Variants in CIB1 observed in about 807,000 individuals in gnomAD.
CIB1 encodes the protein calcium and integrin-binding protein 1.
Under a neutral mutation model 25.0 loss-of-function variants are expected in CIB1, and 19 were observed. The observed-to-expected ratio is 0.76, with a 90% CI of 0.53 to 1.12. The LOEUF (loss-of-function observed/expected upper bound fraction) is 1.12. Among genes scored for constraint, CIB1 ranks in the 50% most tolerant of loss-of-function variants. The pLI is 0.00. For missense variants in CIB1, 236 were observed against 242.6 expected (o/e 0.97, Z 0.18); for synonymous variants, 104 against 98.5 (o/e 1.06, Z -0.33).
At chr15:90,262,547 AAG>A in the CIB1 span, 1 of 1,531,618 alleles carries the variant, frequency 6.5e-7, no homozygotes, top group Non-Finnish European at 8.7e-7. Context: ...CTCGGGCACT[AAG>A]AGGCAAAAGG....
chr15:90,258,845 G>A, the CIB1 span: 1 of 1,614,214 alleles, frequency 6.2e-7, no homozygotes, highest in South Asian at 1.1e-5. Context: ...CCGGGGCTGT[G>A]ACAAAAGGAA....
At chr15:90,235,710 G>A (rs1285759772), upstream of CIB1, among the ~76,000 whole-genome samples, 14 of 151,772 alleles carry the variant, frequency 9.2e-5, 1 homozygote, top group Admixed American at 9.2e-4. Flanking sequence ...TGGGACTACA[G>A]GCACCCGCCA....
Position 90,233,880 on chromosome 15 carries a change from C to A in CIB1, c.6G>T (p.Gly2=). 6.8e-7 allele frequency: 1 copy of A among 1,474,276 alleles called. No individual in the cohort carries two copies. The highest frequency in any genetic ancestry group is 9.0e-7 in the Non-Finnish European group (1 of 1,115,884). The allele number at this position is 1,474,276 out of a possible 1,614,324, so 91.3% of individuals were successfully genotyped here. A position where few individuals can be genotyped will look rare whatever the true frequency, so the allele number is the denominator to read the frequency against. Residue 2 remains glycine (G), a synonymous_variant, in exon 1 of 7, where the codon GGG becomes GGT. Transcript: ENST00000328649. ...CCTTGGACAGGCGACTGCCCGAGCC[C>A]CCCATCGCCCCGCCGCGCGCACAGC... M[G]GSGSRLSKEL...
the CIB1 span, chr15:90,258,603 C>T: frequency 2.8e-6 from 2 of 715,442 alleles, no homozygotes; most frequent in Non-Finnish European, 4.7e-6. Context: ...AGTTTTGTGG[C>T]CTTGGAAGCC....
At chr15:90,234,039 T>C (rs1596173684), upstream of CIB1, 3 of 871,550 alleles carry the variant, frequency 3.4e-6, no homozygotes, top group East Asian at 3.1e-5. Context: ...CTGCCAGGCG[T>C]TCCCAGCCGG....
the CIB1 span, chr15:90,265,352 A>T: frequency 2.0e-5 from 24 of 1,224,866 alleles, no homozygotes; most frequent in South Asian, 3.9e-4. Flanking sequence ...TCGCCGTCAG[A>T]AGACTGCCGA....
chr15:90,250,787 C>T, the CIB1 span: 86 of 1,614,166 alleles, frequency 5.3e-5, no homozygotes, highest in Non-Finnish European at 7.2e-5. Flanking sequence ...AAATGGGGTT[C>T]CCTCACCCAT....
the CIB1 span, chr15:90,253,131 T>A: frequency 1.6e-6 from 1 of 644,878 alleles, no homozygotes; most frequent in Admixed American, 2.6e-5. Flanking sequence ...AGGCAAGAAC[T>A]ACCTCCCTCT....
At chr15:90,241,974 G>A in the CIB1 span, 3 of 1,614,204 alleles carry the variant, frequency 1.9e-6, no homozygotes, top group Non-Finnish European at 2.5e-6. Context: ...GGCAGCTGCT[G>A]TGGCCCTCAT....
At chr15:90,257,973 C>A in the CIB1 span, 1 of 1,489,328 alleles carries the variant, frequency 6.7e-7, no homozygotes. Flanking sequence ...GTGAGGGAGC[C>A]TCCTGCCTAC....
chr15:90,245,472 CAAAAAA>C, the CIB1 span: 6 of 122,782 alleles, frequency 4.9e-5, no homozygotes, highest in African/African-American at 1.4e-4. Flanking sequence ...GACTTTGTCT[CAAAAAA>C]AAAAAAAAAG....
At chr15:90,246,873 T>C in the CIB1 span, among the ~76,000 whole-genome samples, 3 of 141,794 alleles carry the variant, frequency 2.1e-5, no homozygotes, top group Non-Finnish European at 3.0e-5. Flanking sequence ...GTGGTCGAGG[T>C]CCTAGAATAG....
the CIB1 span, chr15:90,257,747 G>T: frequency 6.2e-7 from 1 of 1,606,350 alleles, no homozygotes; most frequent in African/African-American, 1.3e-5. Context: ...GTTTTCTCCT[G>T]CTTCCTCTGC....
chr15:90,256,593 C>CTTTCTTTCTT, the CIB1 span, among the ~76,000 whole-genome samples: 112 of 39,054 alleles, frequency 2.9e-3, 3 homozygotes, highest in Admixed American at 4.8e-3. Context: ...TTCTTTCTTT[C>CTTTCTTTCTT]TTTCTTTCTT....
Position 90,231,416 on chromosome 15 carries a change from C to A in CIB1, c.287G>T (p.Ser96Ile). 1 of 1,614,246 alleles carries A rather than the reference C, an allele frequency of 6.2e-7. No homozygotes were observed. Among genetic ancestry groups the A allele is most frequent in the East Asian group, 2.2e-5 (1 of 44,884 alleles). The change falls in exon 4 of 7, where the codon AGT (serine) becomes ATT (isoleucine). Residue 96 changes from serine (S) to isoleucine (I), a missense_variant. By Grantham distance (142) the Ser-to-Ile change is moderately radical. Transcript: ENST00000328649. Reference protein sequence around the residue: ...LSFEDFLDLLSVFSDTATPDI... With the variant: ...LSFEDFLDLLIVFSDTATPDI... ...TGGCGTGGCTGTGTCACTGAACACA[C>A]TGAGGAGATCCAGGAAGTCCTCAAA...
chr15:90,246,519 C>G, the CIB1 span, among the ~76,000 whole-genome samples: 4 of 151,888 alleles, frequency 2.6e-5, no homozygotes, highest in African/African-American at 9.7e-5. Flanking sequence ...GGTGTAGTGG[C>G]TCACGCCTGT....
chr15:90,263,194 C>A, the CIB1 span: 2 of 1,438,824 alleles, frequency 1.4e-6, no homozygotes, highest in East Asian at 4.9e-5. Context: ...CAAGGGCTGT[C>A]ATTCCAGGAC....
chr15:90,248,718 C>CAAAAAAAAAAAAAAAAAAAAAAAA, the CIB1 span, among the ~76,000 whole-genome samples: 1 of 27,766 alleles, frequency 3.6e-5, no homozygotes, highest in Non-Finnish European at 6.7e-5. Flanking sequence ...GACCCTGTCT[C>CAAAAAAAAAAAAAAAAAAAAAAAA]AAAAAAAAAA....
chr15:90,247,553 C>G, the CIB1 span, among the ~76,000 whole-genome samples: 5 of 151,446 alleles, frequency 3.3e-5, no homozygotes, highest in Non-Finnish European at 7.4e-5. Context: ...ACATACCTAT[C>G]AAGGACAATA....
Sources: gnomAD v4.1 joint callset for allele counts (sites outside exome capture counted in the v4.1 genomes callset) on GRCh38, gnomAD v4.1.1 for gene constraint, MANE v1.5 for transcripts, NCBI Gene and HGNC (gene_info 2026-07-23, HGNC 2026-07-21) for gene names.